Variants in PRKN observed in about 807,000 individuals in gnomAD.
PRKN encodes the protein parkin RBR E3 ubiquitin protein ligase, also known as E3 ubiquitin-protein ligase parkin.
A neutral mutation model predicts 59.5 loss-of-function variants in PRKN; 56 were observed. That is an observed-to-expected ratio of 0.94 (90% CI 0.76 to 1.18). The LOEUF (loss-of-function observed/expected upper bound fraction) is 1.18, where lower values mean the gene tolerates loss of function less well. Ranked by LOEUF, PRKN falls within the 50% of genes most tolerant of loss-of-function variation. PRKN has a pLI of 0.00. For missense variants in PRKN, 657 were observed against 596.4 expected (o/e 1.10, Z -1.06); for synonymous variants, 250 against 222.1 (o/e 1.13, Z -1.12).
chr6:162,272,400 T>C (rs1381354851), intron 2 of PRKN, among the ~76,000 whole-genome samples: 1 of 152,162 alleles, frequency 6.6e-6, no homozygotes, highest in Non-Finnish European at 1.5e-5. Flanking sequence ...GTGATAAATA[T>C]TATGAACACT....
At chr6:162,647,676 C>T (rs1778237783) in intron 1 of PRKN, among the ~76,000 whole-genome samples, 1 of 152,048 alleles carries the variant, frequency 6.6e-6, no homozygotes, top group South Asian at 2.1e-4. Context: ...TTCACCTTCA[C>T]TTTTTGTGGT....
intron 7 of PRKN, among the ~76,000 whole-genome samples, chr6:161,631,545 T>A (rs1783310124): frequency 6.6e-6 from 1 of 152,018 alleles, no homozygotes; most frequent in African/African-American, 2.4e-5. Flanking sequence ...TCTGGAAAAA[T>A]AATTGCCTAT....
At chr6:161,632,911 C>G (rs1232713449) in intron 7 of PRKN, among the ~76,000 whole-genome samples, 2 of 152,174 alleles carry the variant, frequency 1.3e-5, no homozygotes, top group African/African-American at 4.8e-5. Flanking sequence ...AGGTCCCTCC[C>G]ATGACACATG....
At position 161,375,995 on chromosome 6, in the gene PRKN, C is replaced by T. The variant is rs545075407; in HGVS notation, c.1167+10799G>A. Among the ~76,000 whole-genome samples the T allele has an allele frequency of 5.9e-5, 9 of 152,252 alleles. No homozygotes were observed. The South Asian group carries it at 8.3e-4, about 14-fold the overall frequency. ...CCAAATAACCGGGGATCTAGATCTC[C>T]GGGAATAATAAATTACACCCATCTC... On this transcript the variant is annotated intron_variant, in intron 10 of 11. Transcript: ENST00000366898.
At chr6:161,590,826 C>A (rs1781693985) in intron 7 of PRKN, among the ~76,000 whole-genome samples, 1 of 151,938 alleles carries the variant, frequency 6.6e-6, no homozygotes, top group African/African-American at 2.4e-5. Flanking sequence ...AAATAACTGT[C>A]CTGCGCTCAT....
At chr6:161,788,870 A>C (rs900430877) in intron 6 of PRKN, among the ~76,000 whole-genome samples, 1 of 152,228 alleles carries the variant, frequency 6.6e-6, no homozygotes, top group Non-Finnish European at 1.5e-5. Context: ...ATACACAGTC[A>C]ACTTGGATAT....
At chr6:162,083,218 AG>A (rs1779128505) in intron 4 of PRKN, among the ~76,000 whole-genome samples, 1 of 152,102 alleles carries the variant, frequency 6.6e-6, no homozygotes, top group South Asian at 2.1e-4. Flanking sequence ...TACTTTTGAA[AG>A]ACAAAGTCTG....
At chr6:162,402,918 C>T (rs1583510187) in intron 2 of PRKN, among the ~76,000 whole-genome samples, 1 of 152,018 alleles carries the variant, frequency 6.6e-6, no homozygotes. Context: ...GCTGGGGTTA[C>T]AGGCATGAGC....
intron 7 of PRKN, among the ~76,000 whole-genome samples, chr6:161,619,711 AC>A (rs1782823821): frequency 6.6e-6 from 1 of 151,882 alleles, no homozygotes; most frequent in Non-Finnish European, 1.5e-5. Context: ...CTAGAACTGT[AC>A]CCTCCAATAT....
At chr6:161,833,658 G>C (rs143719252) in intron 6 of PRKN, among the ~76,000 whole-genome samples, 1 of 152,242 alleles carries the variant, frequency 6.6e-6, no homozygotes, top group African/African-American at 2.4e-5. Flanking sequence ...AGCAGATCGG[G>C]GTTGGAGTTT....
At chr6:162,241,146 C>T (rs1399385299) in intron 3 of PRKN, among the ~76,000 whole-genome samples, 1 of 152,090 alleles carries the variant, frequency 6.6e-6, no homozygotes, top group African/African-American at 2.4e-5. Flanking sequence ...TGTCTAATGT[C>T]TTTTATGATG....
chr6:162,243,144 TG>T (rs1170515706), intron 3 of PRKN, among the ~76,000 whole-genome samples: 2 of 152,118 alleles, frequency 1.3e-5, no homozygotes, highest in African/African-American at 4.8e-5. Flanking sequence ...AAATTACCAG[TG>T]TGTGTTCTGT....
intron 2 of PRKN, among the ~76,000 whole-genome samples, chr6:162,379,636 C>T (rs1395147530): frequency 6.6e-6 from 1 of 152,140 alleles, no homozygotes; most frequent in Admixed American, 6.5e-5. Context: ...ATGGACCCGC[C>T]TCTGGCTGGT....
chr6:162,011,178 G>GTA (rs796466726), intron 5 of PRKN, among the ~76,000 whole-genome samples: 6 of 19,772 alleles, frequency 3.0e-4, no homozygotes, highest in African/African-American at 8.9e-4. Flanking sequence ...ATATAATATA[G>GTA]TATATTTTAT....
At chr6:162,483,564 GGAGA>G (rs538618569) in intron 1 of PRKN, among the ~76,000 whole-genome samples, 2,008 of 131,148 alleles carry the variant, frequency 0.015, 25 homozygotes, top group Non-Finnish European at 0.024. Flanking sequence ...AGGGAAGGAG[GGAGA>G]GAGGGAGAGA....
Position 161,575,041 on chromosome 6 carries a change from T to G in PRKN, c.872-5625A>C, listed in dbSNP as rs1166018670. ...CATCCTCATGCCGTGCTCACAAGTT[T>G]GTGCTCTTCTGTCGTGTTTTTCCTC... On this transcript the variant is annotated intron_variant, in intron 7 of 11. Coordinates refer to ENST00000366898, the MANE Select transcript of PRKN (RefSeq NM_004562.3). This position sits in a 1 kb window ranked among gnomAD's most constrained non-coding sequence, Gnocchi z 4.6. Among the ~76,000 whole-genome samples the G allele has an allele frequency of 6.6e-6, 1 of 152,204 alleles. No individual in the cohort carries two copies. The highest frequency in any genetic ancestry group is 1.5e-5 in the Non-Finnish European group (1 of 68,038).
intron 7 of PRKN, among the ~76,000 whole-genome samples, chr6:161,752,027 T>C (rs1788715699): frequency 6.6e-6 from 1 of 152,216 alleles, no homozygotes; most frequent in East Asian, 1.9e-4. Flanking sequence ...GAAAGGAACC[T>C]GCGGAACATT....
In PRKN at chr6:161,576,416, G is replaced by T. The variant is rs1031382061; in HGVS notation, c.872-7000C>A. On this transcript the variant is annotated intron_variant, in intron 7 of 11. Coordinates refer to ENST00000366898, the MANE Select transcript of PRKN (RefSeq NM_004562.3). This position sits in a 1 kb window ranked among gnomAD's most constrained non-coding sequence, Gnocchi z 4.6. ...TACACACGGGAGAGTAACTTACATG[G>T]TTACACAAGGAGATATGGAATAGAA... Among the ~76,000 whole-genome samples, 3 of 152,112 alleles carry T rather than the reference G, an allele frequency of 2.0e-5. No homozygotes were observed. The highest frequency in any genetic ancestry group is 2.9e-5 in the Non-Finnish European group (2 of 68,034).
At chr6:162,211,589 CATTA>C (rs1435613053) in intron 3 of PRKN, among the ~76,000 whole-genome samples, 6 of 152,194 alleles carry the variant, frequency 3.9e-5, no homozygotes, top group Middle Eastern at 3.4e-3. Flanking sequence ...AGAGGAATGG[CATTA>C]ATTAAGAGAG....
Sources: allele counts gnomAD v4.1 joint callset (sites outside exome capture counted in the v4.1 genomes callset), GRCh38; gene constraint gnomAD v4.1.1; non-coding constraint Gnocchi (gnomAD v3.1); transcripts MANE v1.5; gene names NCBI Gene and HGNC (gene_info 2026-07-23, HGNC 2026-07-21).